The following GSR variants were observed in gnomAD, a reference collection of about 807,000 sequenced individuals.
GSR encodes glutathione-disulfide reductase, also known as glutathione reductase, mitochondrial.
Under a neutral mutation model 56.5 loss-of-function variants are expected in GSR, and 48 were observed. The ratio of observed to expected loss-of-function variants is 0.85; its 90% CI spans 0.67 to 1.08. The LOEUF (loss-of-function observed/expected upper bound fraction) is 1.08. Among genes scored for constraint, GSR ranks in the 50% least tolerant of loss-of-function variants. The probability of loss-of-function intolerance (pLI) is 0.00; values close to 1 mark genes in which losing one functional copy is unlikely to be tolerated. For synonymous variants in GSR, 264 were observed against 270.8 expected (o/e 0.97, Z 0.25); for missense variants, 694 against 703.3 (o/e 0.99, Z 0.15).
At chr8:30,723,524 C>A (rs1171593898) in intron 1 of GSR, among the ~76,000 whole-genome samples, 1 of 151,804 alleles carries the variant, frequency 6.6e-6, no homozygotes, top group Admixed American at 6.6e-5. Flanking sequence ...GACGCGGTGG[C>A]TCATACTTGT....
At chr8:30,717,350 A>G (rs954393740) in intron 1 of GSR, among the ~76,000 whole-genome samples, 1 of 152,176 alleles carries the variant, frequency 6.6e-6, no homozygotes, top group African/African-American at 2.4e-5. Context: ...AGCCTCCCAA[A>G]AGTTGGAATT....
At chr8:30,715,370 A>G (rs891951637) in intron 1 of GSR, among the ~76,000 whole-genome samples, 2 of 152,016 alleles carry the variant, frequency 1.3e-5, no homozygotes, top group African/African-American at 4.8e-5. Flanking sequence ...AGGATATGCT[A>G]CTTCTCAACC....
intron 4 of GSR, among the ~76,000 whole-genome samples, chr8:30,704,278 T>C (rs918956502): frequency 1.4e-4 from 22 of 151,892 alleles, no homozygotes; most frequent in Admixed American, 1.3e-3. Context: ...TGAGCCGAGA[T>C]TACGCCACTG....
intron 3 of GSR, 48 bp from the exon 4 acceptor site, chr8:30,708,189 T>G: frequency 7.4e-7 from 1 of 1,353,646 alleles, no homozygotes; most frequent in Non-Finnish European, 1.1e-6. Context: ...CTTCCCCTTC[T>G]AGTTAGTAAC....
At position 30,703,121 on chromosome 8, in the gene GSR, G is replaced by A. The variant is rs145834648; in HGVS notation, c.612C>T (p.Pro204=). 131 of 1,614,076 alleles carry A rather than the reference G, an allele frequency of 8.1e-5. No individual in the cohort carries two copies. The African/African-American group carries it at 1.2e-3, about 15-fold the overall frequency. The change falls in exon 5 of 13, where the codon CCC becomes CCT. Residue 204 remains proline, a synonymous_variant. Transcript: ENST00000221130. ...GGATCTGGCTCTCATGAGGGGTGGA[G>A]GGCATACCACCTGTGGCGATCAGGA... ...PHILIATGGM[P]STPHESQIPG...
chr8:30,680,361 G>A (rs868530487), intron 12 of GSR, among the ~76,000 whole-genome samples: 19 of 145,700 alleles, frequency 1.3e-4, no homozygotes, highest in Admixed American at 7.7e-4. Flanking sequence ...GAGCCACAGC[G>A]CCTGGCCCTG....
chr8:30,708,981 A>G (rs1010405824), intron 3 of GSR, among the ~76,000 whole-genome samples: 21 of 151,712 alleles, frequency 1.4e-4, no homozygotes, highest in African/African-American at 5.1e-4. Context: ...AAAAAAGGTA[A>G]AAACAACCCA....
intron 8 of GSR, among the ~76,000 whole-genome samples, chr8:30,691,168 C>A (rs1245106181): frequency 2.0e-5 from 3 of 151,844 alleles, no homozygotes; most frequent in Admixed American, 2.0e-4. Context: ...AGTTCAAGAC[C>A]AGCCTGCCAA....
chr8:30,698,153 T>C (rs1803613178), intron 6 of GSR, among the ~76,000 whole-genome samples: 1 of 152,208 alleles, frequency 6.6e-6, no homozygotes, highest in Non-Finnish European at 1.5e-5. Context: ...CCCTACATTA[T>C]TTATGTACTT....
rs34877158 is a variant in GSR at position 30,701,794 on chromosome 8, C to CAA, written c.640+1297_640+1298dup. Among the ~76,000 whole-genome samples, 24 of 72,328 alleles carry CAA rather than the reference C, an allele frequency of 3.3e-4. 1 individual carries two copies. Among genetic ancestry groups the CAA allele is most frequent in the Admixed American group, 1.1e-3 (5 of 4,528 alleles). The allele number at this position is 72,328 out of a possible 152,430, so 47.4% of individuals were successfully genotyped here. ...GGTGGCAGAGCAAGAATCTGTCTCACAAAAAAAAAAAAAAAAAAAAAAAAA... is the reference window on the plus strand; with the variant it reads ...GGTGGCAGAGCAAGAATCTGTCTCACAAAAAAAAAAAAAAAAAAAAAAAAAAA... On this transcript the variant is annotated intron_variant, in intron 5 of 12. Transcript: ENST00000221130.
intron 10 of GSR, among the ~76,000 whole-genome samples, chr8:30,683,497 T>C (rs1803025989): frequency 6.6e-6 from 1 of 152,028 alleles, no homozygotes; most frequent in Non-Finnish European, 1.5e-5. Context: ...AGACCAGTCA[T>C]ACAAGAATGA....
At chr8:30,700,251 A>T in intron 5 of GSR, 116 bp from the exon 6 acceptor site, 1 of 799,866 alleles carries the variant, frequency 1.3e-6, no homozygotes, top group South Asian at 1.4e-5. Context: ...CTCCGTTTTG[A>T]CAAGTTTTGT....
chr8:30,684,139 T>C lies in GSR; in HGVS notation c.1102A>G (p.Lys368Glu), dbSNP rs1803074572. The C allele has an allele frequency of 6.2e-7, 1 of 1,610,616 alleles. No individual in the cohort carries two copies. Among genetic ancestry groups the C allele is most frequent in the Non-Finnish European group, 8.5e-7 (1 of 1,176,798 alleles). ...IVDEFQNTNV[K>E]GIYAVGDVCG... ...ACATCCCCAACTGCATAGATGCCTT[T>C]GACGTTGGTATTCTGGAATTCGTCT... The change falls in exon 10 of 13, where the codon AAA becomes GAA. Residue 368 changes from lysine (K) to glutamate (E), a missense_variant. By Grantham distance (56) the Lys-to-Glu change is moderately conservative (BLOSUM62 1). Transcript: ENST00000221130.
At chr8:30,696,255 T>C (rs1586046080) in intron 7 of GSR, 125 bp downstream of exon 7, 3 of 773,690 alleles carry the variant, frequency 3.9e-6, no homozygotes, top group South Asian at 1.4e-5. Context: ...TACAGCACCA[T>C]ATGAAACCAA....
chr8:30,692,325 T>G (rs1447531573), intron 8 of GSR, among the ~76,000 whole-genome samples: 2 of 139,328 alleles, frequency 1.4e-5, no homozygotes, highest in Non-Finnish European at 3.0e-5. Context: ...CTGCCCCGAG[T>G]AGCTGGAATT....
chr8:30,714,457 T>A (rs532820713), intron 1 of GSR, among the ~76,000 whole-genome samples: 1 of 151,920 alleles, frequency 6.6e-6, no homozygotes, highest in African/African-American at 2.4e-5. Flanking sequence ...CGCCTTGGCA[T>A]CCCAAAGTGC....
chr8:30,679,673 G>A lies in GSR; in HGVS notation c.1420-4C>T, dbSNP rs2128735941. The A allele has an allele frequency of 6.2e-7, 1 of 1,612,172 alleles. No individual in the cohort carries two copies. The highest frequency in any genetic ancestry group is 8.5e-7 in the Non-Finnish European group (1 of 1,179,064). On this transcript the variant is annotated splice_region_variant and splice_polypyrimidine_tract_variant and intron_variant, in intron 12 of 12. Transcript: ENST00000221130. ...CCTGCATATGGATCCCAACCACCTG[G>A]GAAAAGAAGAGAAACATTTTCTTTT...
At chr8:30,692,472 A>G (rs1296892637) in intron 8 of GSR, among the ~76,000 whole-genome samples, 1 of 135,750 alleles carries the variant, frequency 7.4e-6, no homozygotes, top group Non-Finnish European at 1.5e-5. Context: ...CTGGGATAAC[A>G]GGTGTGAGCC....
chr8:30,689,217 G>A lies in GSR; in HGVS notation c.985C>T (p.Leu329=), dbSNP rs749694709. 5 of 1,613,846 alleles carry A rather than the reference G, an allele frequency of 3.1e-6. No individual in the cohort carries two copies. In the South Asian group the frequency reaches 5.5e-5, roughly 18 times the overall value. The change falls in exon 9 of 13, where the codon CTG becomes TTG. Residue 329 remains leucine (L), a synonymous_variant. Coordinates refer to ENST00000221130, the MANE Select transcript of GSR (RefSeq NM_000637.5). Reference sequence around the variant, plus strand: ...GGGACCCGCCCAATGGCCCAGAGCAGGCAGTCAACATCTGGAATCATGGTC... The same window carrying A: ...GGGACCCGCCCAATGGCCCAGAGCAAGCAGTCAACATCTGGAATCATGGTC... ...VMTMIPDVDC[L]LWAIGRVPNT...
Sources: allele counts gnomAD v4.1 joint callset (sites outside exome capture counted in the v4.1 genomes callset), GRCh38; gene constraint gnomAD v4.1.1; transcripts MANE v1.5; gene names NCBI Gene and HGNC (gene_info 2026-07-23, HGNC 2026-07-21).